PPP6R2: variants seen among roughly 807,000 people sequenced by gnomAD.
PPP6R2 encodes the protein protein phosphatase 6 regulatory subunit 2.
PPP6R2 carries 62 observed loss-of-function variants against 100.2 expected under a neutral mutation model. The ratio of observed to expected loss-of-function variants is 0.62; its 90% CI spans 0.50 to 0.76. The LOEUF (loss-of-function observed/expected upper bound fraction) is 0.76. Ranked by LOEUF, PPP6R2 falls within the 30% of genes least tolerant of loss-of-function variation. The pLI is 0.00. For missense variants in PPP6R2, 1,142 were observed against 1,276.3 expected, an observed-to-expected ratio of 0.89 and a Z score of 1.60; for synonymous variants, 525 against 514.7, an observed-to-expected ratio of 1.02 and a Z score of -0.27.
chr22:50,340,547 G>T (rs956426761), upstream of PPP6R2, among the ~76,000 whole-genome samples: 2 of 140,792 alleles, frequency 1.4e-5, no homozygotes, highest in African/African-American at 5.4e-5. Context: ...TGTGTGTGTC[G>T]CGTGTGTGTG....
At chr22:50,337,726 G>C in the PPP6R2 span, among the ~76,000 whole-genome samples, 1 of 147,756 alleles carries the variant, frequency 6.8e-6, no homozygotes, top group African/African-American at 2.5e-5. Context: ...TGTGTACTGT[G>C]TGGTATGTAG....
chr22:50,380,336 G>A (rs1041651465), intron 2 of PPP6R2, among the ~76,000 whole-genome samples: 13 of 151,526 alleles, frequency 8.6e-5, no homozygotes, highest in African/African-American at 2.4e-4. Context: ...CTCCCAAAGT[G>A]CTGGGTTACA....
chr22:50,442,652 C>T (rs2065951165), intron 22 of PPP6R2, among the ~76,000 whole-genome samples: 1 of 152,250 alleles, frequency 6.6e-6, no homozygotes, highest in Admixed American at 6.5e-5. Context: ...CGGGTTCACG[C>T]CATTCTCCTG....
In PPP6R2 at chr22:50,439,603, A is replaced by G. The variant is rs2065141953; in HGVS notation, c.2129-98A>G. 18 of 1,344,850 alleles carry G rather than the reference A, an allele frequency of 1.3e-5. 1 individual carries two copies. In the South Asian group the frequency reaches 2.8e-4, roughly 21 times the overall value. 83.3% of individuals were successfully genotyped at this position (1,344,850 alleles called of 1,614,324 possible). ...CCTGGAGCAGCCCCATCTTCCTGTC[A>G]ACCTCTGAGGGGCTCCCGGGGCAGG... On this transcript the variant is annotated intron_variant, in intron 19 of 23. Coordinates refer to ENST00000612753, the MANE Select transcript of PPP6R2 (RefSeq NM_001242898.2).
chr22:50,396,452 T>A (rs1326704818), intron 3 of PPP6R2, among the ~76,000 whole-genome samples: 8 of 135,682 alleles, frequency 5.9e-5, no homozygotes, highest in Non-Finnish European at 1.1e-4. Flanking sequence ...CCAAGATCGC[T>A]CCACTGCACT....
rs760340312 is a variant in PPP6R2, at chr22:50,406,894, C to T, written c.414+19C>T. On this transcript the variant is annotated intron_variant, in intron 4 of 23. Coordinates refer to ENST00000612753, the MANE Select transcript of PPP6R2 (RefSeq NM_001242898.2). ...CGAACAGGTAAATCACGTGCAAAGC[C>T]TCCGTGACTTGGGGCACCGTCATGG... The T allele has an allele frequency of 1.4e-5, 22 of 1,605,730 alleles. No homozygotes were observed. Among genetic ancestry groups the T allele is most frequent in the Non-Finnish European group, 1.8e-5 (21 of 1,172,638 alleles).
intron 1 of PPP6R2, among the ~76,000 whole-genome samples, chr22:50,346,288 C>T (rs1569239791): frequency 2.0e-5 from 1 of 49,130 alleles, no homozygotes; most frequent in Non-Finnish European, 4.3e-5. Context: ...AGTCAGTGCC[C>T]CCTTCAGTGT....
At chr22:50,442,954 C>A (rs1248905507) in intron 22 of PPP6R2, 1 of 151,570 alleles carries the variant, frequency 6.6e-6, no homozygotes, top group African/African-American at 2.4e-5. Flanking sequence ...CACCTGAGGT[C>A]GGGAGTTCGA....
intron 1 of PPP6R2, among the ~76,000 whole-genome samples, chr22:50,347,187 C>A (rs1164736122): frequency 6.6e-6 from 1 of 151,994 alleles, no homozygotes; most frequent in African/African-American, 2.4e-5. Flanking sequence ...GTTCCTGTCC[C>A]CTTTCATGCT....
At chr22:50,392,202 A>G (rs531473497) in intron 2 of PPP6R2, among the ~76,000 whole-genome samples, 5 of 152,230 alleles carry the variant, frequency 3.3e-5, no homozygotes, top group African/African-American at 1.2e-4. Context: ...TAAGACCTAG[A>G]AGGAAAACTG....
chr22:50,370,444 CGCCCA>C (rs1569312776), intron 1 of PPP6R2, among the ~76,000 whole-genome samples: 1 of 146,038 alleles, frequency 6.8e-6, no homozygotes, highest in Non-Finnish European at 1.5e-5. Context: ...CCTGCCACCA[CGCCCA>C]GCTAATTTTT....
chr22:50,420,809 CT>C (rs1236237914), intron 8 of PPP6R2, among the ~76,000 whole-genome samples: 1 of 152,246 alleles, frequency 6.6e-6, no homozygotes, highest in Non-Finnish European at 1.5e-5. Context: ...TGGCCTCACC[CT>C]GGCCCTTGAA....
chr22:50,339,502 TGTGTGTGTG>T (rs1276117692), upstream of PPP6R2, among the ~76,000 whole-genome samples: 11 of 114,238 alleles, frequency 9.6e-5, no homozygotes, highest in Admixed American at 1.9e-4. Flanking sequence ...GGGTGTGTGT[TGTGTGTGTG>T]GTGTGTGTGG....
In PPP6R2 at chr22:50,436,448, A is replaced by C; in HGVS notation, c.1598A>C (p.Asp533Ala). The change falls in exon 14 of 24, where the codon GAC (aspartate) becomes GCC (alanine). Residue 533 changes from aspartate (D) to alanine (A), a missense_variant. Asp to Ala is a moderately radical substitution (Grantham distance 126, BLOSUM62 -2). Coordinates refer to ENST00000612753, the MANE Select transcript of PPP6R2 (RefSeq NM_001242898.2). Reference sequence around the variant, plus strand: ...GAGACGAACCGCAGGAACACTGTGGACCTGGTGAGGAGGCTCGGGGCTGCC... The same window carrying C: ...GAGACGAACCGCAGGAACACTGTGGCCCTGGTGAGGAGGCTCGGGGCTGCC... ...LTETNRRNTV[D>A]LVSTHHLHSS... The C allele has an allele frequency of 1.9e-6, 3 of 1,589,066 alleles. No homozygotes were observed. Among genetic ancestry groups the C allele is most frequent in the Non-Finnish European group, 2.6e-6 (3 of 1,168,952 alleles).
At chr22:50,380,853 G>A (rs1395941067) in intron 2 of PPP6R2, among the ~76,000 whole-genome samples, 1 of 151,418 alleles carries the variant, frequency 6.6e-6, no homozygotes, top group East Asian at 2.0e-4. Flanking sequence ...GCCGGGCGTG[G>A]TGGCGGGCAC....
At chr22:50,369,976 A>C (rs1396817836) in intron 1 of PPP6R2, among the ~76,000 whole-genome samples, 1 of 145,968 alleles carries the variant, frequency 6.9e-6, no homozygotes, top group South Asian at 2.2e-4. Flanking sequence ...CTTAAACTCC[A>C]GCACTTAAGT....
At chr22:50,393,473 C>G (rs981159698) in intron 2 of PPP6R2, 1 of 984,986 alleles carries the variant, frequency 1.0e-6, no homozygotes, top group Admixed American at 6.2e-5. Context: ...GCGCATTCGC[C>G]TAACAGAACT....
chr22:50,429,778 G>A (rs562055447), intron 10 of PPP6R2, among the ~76,000 whole-genome samples: 3 of 152,316 alleles, frequency 2.0e-5, no homozygotes, highest in African/African-American at 7.2e-5. Flanking sequence ...ATCTGGTACG[G>A]GCTTTTTGTT....
At position 50,414,331 on chromosome 22, in the gene PPP6R2, G is replaced by GCCCCCCCCCCCCCCCCCCCCCCCCCCCCC. The variant is rs57634612; in HGVS notation, c.415-202_415-201insCCCCCCCCCCCCCCCCCCCCCCCCCCCCC. ...GAGCCACAGGGGTCCCTGTGCAGTG[G>GCCCCCCCCCCCCCCCCCCCCCCCCCCCCC]CCCCCCCCCCCCCCCCCCCGCCCAG... On this transcript the variant is annotated intron_variant, in intron 4 of 23. Transcript: ENST00000612753. 1.5e-4 allele frequency among the ~76,000 whole-genome samples: 4 copies of GCCCCCCCCCCCCCCCCCCCCCCCCCCCCC among 26,776 alleles called. 1 individual carries two copies. Among genetic ancestry groups the GCCCCCCCCCCCCCCCCCCCCCCCCCCCCC allele is most frequent in the Admixed American group, 5.3e-4 (1 of 1,880 alleles). The allele number at this position is 26,776 out of a possible 152,430, so 17.6% of individuals were successfully genotyped here.
Sources: allele counts gnomAD v4.1 joint callset (sites outside exome capture counted in the v4.1 genomes callset), GRCh38; gene constraint gnomAD v4.1.1; transcripts MANE v1.5; gene names NCBI Gene and HGNC (gene_info 2026-07-23, HGNC 2026-07-21).